The following NRG1 variants were observed in gnomAD, a reference collection of about 807,000 sequenced individuals.
The protein encoded by NRG1 is neuregulin 1.
Under a neutral mutation model 63.8 loss-of-function variants are expected in NRG1, and 18 were observed. That is an observed-to-expected ratio of 0.28 (90% CI 0.19 to 0.42). The LOEUF (loss-of-function observed/expected upper bound fraction) is 0.42, where lower values mean the gene tolerates loss of function less well. NRG1 is among the 10% of genes least tolerant of loss of function. The probability of loss-of-function intolerance (pLI) is 1.00; values close to 1 mark genes in which losing one functional copy is unlikely to be tolerated. For missense variants in NRG1, 762 were observed against 814.7 expected (o/e 0.94, Z 0.79); for synonymous variants, 302 against 301.3 (o/e 1.00, Z -0.02).
At chr8:32,009,260 A>T (rs1009881218) in intron 1 of NRG1, among the ~76,000 whole-genome samples, 2 of 152,094 alleles carry the variant, frequency 1.3e-5, no homozygotes, top group Non-Finnish European at 2.9e-5. Flanking sequence ...CTACTCCAAC[A>T]GTTTCATCTT....
At chr8:32,388,682 T>G (rs1811331940) in intron 1 of NRG1, among the ~76,000 whole-genome samples, 1 of 152,190 alleles carries the variant, frequency 6.6e-6, no homozygotes, top group Non-Finnish European at 1.5e-5. Flanking sequence ...CAAAAAATGC[T>G]TTATTTCTCA....
intron 1 of NRG1, among the ~76,000 whole-genome samples, chr8:32,136,154 G>A (rs1835492853): frequency 6.6e-6 from 1 of 152,180 alleles, no homozygotes; most frequent in Admixed American, 6.5e-5. Context: ...AGCAAAGGCA[G>A]GTTCAGTTGC....
At chr8:32,549,160 G>C (rs971564817) in intron 1 of NRG1, among the ~76,000 whole-genome samples, 4 of 152,232 alleles carry the variant, frequency 2.6e-5, no homozygotes, top group African/African-American at 9.6e-5. Context: ...TGGGACCTGG[G>C]CTATAGGAGT....
intron 1 of NRG1, among the ~76,000 whole-genome samples, chr8:32,144,109 G>A (rs2131758652): frequency 6.6e-6 from 1 of 152,344 alleles, no homozygotes; most frequent in Middle Eastern, 3.4e-3. Context: ...CGGCAGTGGA[G>A]ACAGGGTGGC....
At chr8:32,150,749 C>T (rs1384731162) in intron 1 of NRG1, among the ~76,000 whole-genome samples, 1 of 152,134 alleles carries the variant, frequency 6.6e-6, no homozygotes, top group African/African-American at 2.4e-5. Context: ...CTATAAAGGA[C>T]CTCGACCTTC....
intron 1 of NRG1, among the ~76,000 whole-genome samples, chr8:32,381,143 T>C (rs184649044): frequency 6.6e-6 from 1 of 152,340 alleles, no homozygotes; most frequent in African/African-American, 2.4e-5. Flanking sequence ...TCTCCTAACT[T>C]CAACCTCATT....
At chr8:32,091,871 A>G (rs1464799852) in intron 1 of NRG1, among the ~76,000 whole-genome samples, 1 of 152,122 alleles carries the variant, frequency 6.6e-6, no homozygotes, top group African/African-American at 2.4e-5. Flanking sequence ...AATAAATATG[A>G]TGAGAGCTTA....
At chr8:32,634,952 A>G (rs1851047671) in intron 5 of NRG1, among the ~76,000 whole-genome samples, 1 of 152,190 alleles carries the variant, frequency 6.6e-6, no homozygotes, top group Non-Finnish European at 1.5e-5. Context: ...TCCATCTGTA[A>G]AATAAGAACA....
chr8:32,646,030 C>T (rs1490160724), intron 5 of NRG1, among the ~76,000 whole-genome samples: 1 of 152,164 alleles, frequency 6.6e-6, no homozygotes, highest in Non-Finnish European at 1.5e-5. Context: ...ATTACAGTGC[C>T]AGGGAATCCA....
At chr8:32,597,606 A>C (rs1843593158) in intron 2 of NRG1, among the ~76,000 whole-genome samples, 1 of 152,162 alleles carries the variant, frequency 6.6e-6, no homozygotes, top group South Asian at 2.1e-4. Context: ...TCAGCAGCAC[A>C]TGGCAACTAT....
chr8:32,764,195 C>G (rs1250076738), exon 12 of NRG1: 1 of 1,614,146 alleles, frequency 6.2e-7, no homozygotes, highest in Admixed American at 1.7e-5. Context: ...AGAGCAGTAA[C>G]TCAGAGAGTG....
chr8:31,982,515 T>C (rs1230358562), intron 1 of NRG1, among the ~76,000 whole-genome samples: 1 of 151,384 alleles, frequency 6.6e-6, no homozygotes, highest in African/African-American at 2.5e-5. Flanking sequence ...GAACAGGAAG[T>C]GCTGAAAGAG....
intron 5 of NRG1, among the ~76,000 whole-genome samples, chr8:32,619,233 A>G (rs1234996149): frequency 6.6e-6 from 1 of 152,122 alleles, no homozygotes; most frequent in South Asian, 2.1e-4. Flanking sequence ...AATCAAACAA[A>G]CAAACAAAAA....
chr8:32,473,428 A>G (rs144834785), intron 1 of NRG1, among the ~76,000 whole-genome samples: 71 of 152,284 alleles, frequency 4.7e-4, no homozygotes, highest in Middle Eastern at 3.4e-3. Flanking sequence ...TAAAATATCT[A>G]AATAATCCCA....
At chr8:32,764,506 A>C in exon 12 of NRG1, 1 of 1,090,698 alleles carries the variant, frequency 9.2e-7, no homozygotes, top group Non-Finnish European at 1.2e-6. Flanking sequence ...TTCTGCAAAT[A>C]GAAAACAGGA....
chr8:31,949,570 C>CACA (rs1219927721), intron 1 of NRG1, among the ~76,000 whole-genome samples: 1 of 152,112 alleles, frequency 6.6e-6, no homozygotes, highest in Non-Finnish European at 1.5e-5. Context: ...TTTCTTGTAC[C>CACA]ACATATTCCT....
chr8:32,268,453 T>G (rs1035853534), intron 1 of NRG1, among the ~76,000 whole-genome samples: 12 of 152,220 alleles, frequency 7.9e-5, no homozygotes, highest in Non-Finnish European at 1.8e-4. Flanking sequence ...GTGTCAATAG[T>G]GATGATTGAT....
chr8:32,749,311 C>A (rs899431002), intron 7 of NRG1: 15 of 563,320 alleles, frequency 2.7e-5, no homozygotes, highest in Non-Finnish European at 4.7e-5. Flanking sequence ...TCAGTAAGGT[C>A]TTTTAAGGGT....
intron 1 of NRG1, among the ~76,000 whole-genome samples, chr8:31,815,342 T>C (rs1044052414): frequency 6.6e-6 from 1 of 152,174 alleles, no homozygotes; most frequent in Non-Finnish European, 1.5e-5. Context: ...TATCATGCAG[T>C]GGTATCTCAT....
Sources: gnomAD v4.1 joint callset for allele counts (sites outside exome capture counted in the v4.1 genomes callset) on GRCh38, gnomAD v4.1.1 for gene constraint, MANE v1.5 for transcripts, NCBI Gene and HGNC (gene_info 2026-07-23, HGNC 2026-07-21) for gene names.